GLB1L3: variants seen among roughly 807,000 people sequenced by gnomAD.
The protein encoded by GLB1L3 is beta-galactosidase-1-like protein 3.
GLB1L3 carries 89 observed loss-of-function variants against 89.5 expected under a neutral mutation model. That is an observed-to-expected ratio of 0.99 (90% confidence interval 0.84 to 1.19). GLB1L3 has a LOEUF of 1.19. GLB1L3 is among the 50% of genes most tolerant of loss of function. GLB1L3 has a pLI of 0.00. For missense variants in GLB1L3, 812 were observed against 813.3 expected, an observed-to-expected ratio of 1.00 and a Z score of 0.02; for synonymous variants, 314 against 312.3, an observed-to-expected ratio of 1.01 and a Z score of -0.06.
rs373912664 is a variant in GLB1L3, at chr11:134,307,145, A to G, written c.898A>G (p.Met300Val). The part of the protein sequence containing the change: ...KVQRDKPLLI[M>V]EYWVGWFDRW... ...TTAGAGAGATAAGCCCCTTCTGATT[A>G]TGGAATACTGGGTCGGCTGGTTCGA... Residue 300 changes from methionine to valine, a missense_variant, in exon 10 of 20, where the codon ATG becomes GTG. Physicochemically the swap from Met to Val is conservative, Grantham distance 21. This residue lies in a region of GLB1L3 where 618 missense variants were observed against 604.0 expected (regional missense o/e 1.02). Coordinates refer to ENST00000431683, the MANE Select transcript of GLB1L3 (RefSeq NM_001080407.3). 4 of 1,613,654 alleles carry G rather than the reference A, an allele frequency of 2.5e-6. No homozygotes were observed. Among genetic ancestry groups the G allele is most frequent in the Non-Finnish European group, 1.7e-6 (2 of 1,179,666 alleles).
At chr11:134,283,312 C>T (rs1449354576) in intron 5 of GLB1L3, among the ~76,000 whole-genome samples, 1 of 152,168 alleles carries the variant, frequency 6.6e-6, no homozygotes, top group Non-Finnish European at 1.5e-5. Context: ...GATCTGCCCA[C>T]CTCGGCCTCC....
At chr11:134,308,433 A>T (rs1485078654) in intron 10 of GLB1L3, among the ~76,000 whole-genome samples, 1 of 80,590 alleles carries the variant, frequency 1.2e-5, no homozygotes, top group African/African-American at 8.0e-5. Context: ...CACCATCACC[A>T]CCACCACCAC....
intron 9 of GLB1L3, among the ~76,000 whole-genome samples, chr11:134,306,392 G>T (rs187535450): frequency 1.3e-5 from 2 of 152,302 alleles, no homozygotes; most frequent in East Asian, 3.9e-4. Flanking sequence ...TTCTATGGAA[G>T]TGTTTGAAGG....
chr11:134,282,265 G>A, intron 5 of GLB1L3, 145 bp downstream of exon 5: 1 of 1,039,328 alleles, frequency 9.6e-7, no homozygotes, highest in South Asian at 1.8e-5. Context: ...CACCGTGCCT[G>A]TGTTGTCTTG....
intron 6 of GLB1L3, among the ~76,000 whole-genome samples, chr11:134,284,590 A>C (rs1371657135): frequency 6.6e-6 from 1 of 152,082 alleles, no homozygotes; most frequent in African/African-American, 2.4e-5. Context: ...TTAGCTGGGC[A>C]TGGTGGCACA....
At chr11:134,290,145 G>T (rs1447630407) in intron 7 of GLB1L3, among the ~76,000 whole-genome samples, 1 of 152,168 alleles carries the variant, frequency 6.6e-6, no homozygotes, top group African/African-American at 2.4e-5. Context: ...CAGGGGACGC[G>T]TGGCTGCCCT....
At chr11:134,301,989 ATATGT>A (rs1297589209) in intron 9 of GLB1L3, among the ~76,000 whole-genome samples, 1 of 152,074 alleles carries the variant, frequency 6.6e-6, no homozygotes, top group Non-Finnish European at 1.5e-5. Flanking sequence ...TGACTTTTTA[ATATGT>A]TTAATGCCTT....
At chr11:134,288,723 G>C (rs1463080774) in intron 6 of GLB1L3, 75 bp from the exon 7 acceptor site, 1 of 1,065,498 alleles carries the variant, frequency 9.4e-7, no homozygotes, top group East Asian at 2.5e-5. Context: ...TGCAGCCTTC[G>C]GCAGCAAGCT....
At chr11:134,325,026 A>C in the GLB1L3 span, among the ~76,000 whole-genome samples, 1 of 152,196 alleles carries the variant, frequency 6.6e-6, no homozygotes, top group South Asian at 2.1e-4. Flanking sequence ...CCAAAGTTAT[A>C]AAGTTATAAA....
At chr11:134,321,917 A>T (rs1353917447), downstream of GLB1L3, among the ~76,000 whole-genome samples, 2 of 129,424 alleles carry the variant, frequency 1.5e-5, no homozygotes, top group Non-Finnish European at 3.6e-5. Context: ...TTAAAGTATA[A>T]TAAAAAAAAA....
chr11:134,323,970 G>A (rs1331757349), downstream of GLB1L3, among the ~76,000 whole-genome samples: 2 of 152,188 alleles, frequency 1.3e-5, no homozygotes, highest in African/African-American at 4.8e-5. Context: ...TCTAAATACA[G>A]AGCTAAAAGT....
At position 134,276,708 on chromosome 11, in the gene GLB1L3, G is replaced by T. The variant is rs1265581133; in HGVS notation, c.-33G>T. On this transcript the variant is annotated 5_prime_UTR_variant, in exon 1 of 20. Coordinates refer to ENST00000431683, the MANE Select transcript of GLB1L3 (RefSeq NM_001080407.3). ...GGGCCAGCGGAGAGGGGCGGAAGCCGCAAGGGACCCTCGGCGCCTCGGCCT... is the reference window on the plus strand; with the variant it reads ...GGGCCAGCGGAGAGGGGCGGAAGCCTCAAGGGACCCTCGGCGCCTCGGCCT... 4.2e-6 allele frequency: 6 copies of T among 1,436,738 alleles called. No individual in the cohort carries two copies. The East Asian group carries it at 1.5e-4, about 37-fold the overall frequency. The allele number at this position is 1,436,738 out of a possible 1,614,324, so 89.0% of individuals were successfully genotyped here.
chr11:134,308,676 A>ACACCACCACCACCATCAC (rs1555080637), intron 10 of GLB1L3, among the ~76,000 whole-genome samples: 3 of 116,152 alleles, frequency 2.6e-5, no homozygotes, highest in Non-Finnish European at 5.7e-5. Flanking sequence ...ACCACCACCA[A>ACACCACCACCACCATCAC]CACCACCACC....
At chr11:134,307,269 T>C (rs2136194927) in intron 10 of GLB1L3, 61 bp downstream of exon 10, 3 of 1,150,430 alleles carry the variant, frequency 2.6e-6, no homozygotes, top group East Asian at 4.8e-5. Flanking sequence ...TGAGAACTCA[T>C]TCATACAGTT....
chr11:134,320,457 A>G (rs1943151522), downstream of GLB1L3, among the ~76,000 whole-genome samples: 1 of 152,194 alleles, frequency 6.6e-6, no homozygotes, highest in Non-Finnish European at 1.5e-5. Flanking sequence ...AGTACATATT[A>G]TATTTCAGGT....
At chr11:134,307,932 A>G (rs1942275345) in intron 10 of GLB1L3, among the ~76,000 whole-genome samples, 2 of 152,216 alleles carry the variant, frequency 1.3e-5, no homozygotes, top group South Asian at 2.1e-4. Flanking sequence ...AAGAGCTGTT[A>G]TGAAAACAAG....
At chr11:134,293,379 G>A (rs1941466109) in intron 9 of GLB1L3, among the ~76,000 whole-genome samples, 170 bp downstream of exon 9, 1 of 152,160 alleles carries the variant, frequency 6.6e-6, no homozygotes, top group South Asian at 2.1e-4. Context: ...TGGGGAAGGA[G>A]GAGGGAACCC....
intron 1 of GLB1L3, 133 bp from the exon 2 acceptor site, chr11:134,277,193 G>A: frequency 1.7e-6 from 2 of 1,167,150 alleles, no homozygotes; most frequent in Non-Finnish European, 2.5e-6. Flanking sequence ...GGGCCCGCCT[G>A]GAAGACCCGC....
chr11:134,287,140 GCC>G (rs910812151), intron 6 of GLB1L3: 3 of 152,212 alleles, frequency 2.0e-5, no homozygotes. Flanking sequence ...CAGCCTGGGC[GCC>G]AGAGTGAGAC....
Sources: gnomAD v4.1 joint callset for allele counts (sites outside exome capture counted in the v4.1 genomes callset) on GRCh38, gnomAD v4.1.1 for gene constraint, gnomAD v4.1.1 regional missense constraint, MANE v1.5 for transcripts, NCBI Gene and HGNC (gene_info 2026-07-23, HGNC 2026-07-21) for gene names.